Variants in NCKAP5 observed in about 807,000 individuals in gnomAD.
The protein encoded by NCKAP5 is NCK associated protein 5, also known as nck-associated protein 5.
In NCKAP5, 92 loss-of-function variants were observed where a neutral mutation model predicts 167.0. The ratio of observed to expected loss-of-function variants is 0.55; its 90% CI spans 0.47 to 0.66. The LOEUF is 0.66. Ranked by LOEUF, NCKAP5 falls within the 30% of genes least tolerant of loss-of-function variation. NCKAP5 has a pLI of 0.00. For missense variants in NCKAP5, 2,378 were observed against 2,315.0 expected (o/e 1.03, Z -0.56); for synonymous variants, 891 against 877.4 (o/e 1.02, Z -0.27).
At chr2:133,488,389 T>C (rs1206087668) in intron 3 of NCKAP5, among the ~76,000 whole-genome samples, 1 of 152,176 alleles carries the variant, frequency 6.6e-6, no homozygotes, top group Non-Finnish European at 1.5e-5. Flanking sequence ...TAGAGCTCTA[T>C]CAAGCATGGA....
At chr2:133,208,605 C>T (rs1836216) in intron 5 of NCKAP5, among the ~76,000 whole-genome samples, 96,224 of 151,972 alleles carry the variant, frequency 0.63, 31,212 homozygotes, top group African/African-American at 0.77. Flanking sequence ...AAATTTAATG[C>T]GTTTCTTGGA....
intron 3 of NCKAP5, among the ~76,000 whole-genome samples, chr2:133,478,124 G>C (rs1575030382): frequency 6.6e-6 from 1 of 152,130 alleles, no homozygotes; most frequent in Admixed American, 6.6e-5. Context: ...ACTCCCTCAT[G>C]AAGAACTAAA....
At chr2:133,226,651 C>A (rs1260530841) in intron 4 of NCKAP5, among the ~76,000 whole-genome samples, 1 of 94,396 alleles carries the variant, frequency 1.1e-5, no homozygotes, top group African/African-American at 3.6e-5. Context: ...AGGAAGAACA[C>A]CATGTGAAGA....
chr2:132,946,558 CA>C (rs1193193763), intron 8 of NCKAP5, among the ~76,000 whole-genome samples: 1 of 151,948 alleles, frequency 6.6e-6, no homozygotes, highest in Non-Finnish European at 1.5e-5. Flanking sequence ...GAAAACTTAA[CA>C]AAAAAAGTGA....
chr2:133,066,091 C>A (rs1464251843), intron 6 of NCKAP5, among the ~76,000 whole-genome samples: 1 of 152,038 alleles, frequency 6.6e-6, no homozygotes, highest in African/African-American at 2.4e-5. Flanking sequence ...CCCTCATATG[C>A]CTCATTAAGA....
chr2:132,990,261 G>A (rs1470834303), intron 7 of NCKAP5, among the ~76,000 whole-genome samples: 1 of 152,142 alleles, frequency 6.6e-6, no homozygotes, highest in Non-Finnish European at 1.5e-5. Context: ...ATGTGTGGAA[G>A]CTTATATTTT....
At chr2:133,641,711 C>T in the NCKAP5 span, among the ~76,000 whole-genome samples, 1 of 152,198 alleles carries the variant, frequency 6.6e-6, no homozygotes, top group Admixed American at 6.5e-5. Flanking sequence ...ACCAGTTCAA[C>T]TTAAGGGAAC....
At chr2:133,197,126 T>A (rs2085471541) in intron 5 of NCKAP5, among the ~76,000 whole-genome samples, 1 of 152,148 alleles carries the variant, frequency 6.6e-6, no homozygotes. Flanking sequence ...GAGGCTCCAA[T>A]GAGGCTAAAA....
At chr2:132,810,723 C>T (rs1238240944) in intron 11 of NCKAP5, among the ~76,000 whole-genome samples, 1 of 152,152 alleles carries the variant, frequency 6.6e-6, no homozygotes, top group East Asian at 1.9e-4. Context: ...CTTCTCTGAT[C>T]CCTCCCTGAT....
intron 16 of NCKAP5, among the ~76,000 whole-genome samples, chr2:132,761,107 T>A (rs72989541): frequency 2.6e-5 from 4 of 152,304 alleles, no homozygotes; most frequent in African/African-American, 9.6e-5. Flanking sequence ...AGGAATTTAT[T>A]CCCAAAATCT....
intron 3 of NCKAP5, among the ~76,000 whole-genome samples, chr2:133,485,876 T>G (rs547603421): frequency 1.3e-5 from 2 of 152,342 alleles, no homozygotes; most frequent in Admixed American, 1.3e-4. Context: ...AGTATGTCTT[T>G]GGGTCAGTTG....
At chr2:132,845,022 A>G (rs1688560867) in intron 11 of NCKAP5, among the ~76,000 whole-genome samples, 1 of 152,104 alleles carries the variant, frequency 6.6e-6, no homozygotes, top group African/African-American at 2.4e-5. Context: ...TTGGTGAAAA[A>G]AGGTTATCTT....
the NCKAP5 span, among the ~76,000 whole-genome samples, chr2:133,587,166 T>G: frequency 6.6e-6 from 1 of 152,102 alleles, no homozygotes; most frequent in African/African-American, 2.4e-5. Context: ...ATCACATTTT[T>G]CAGAACAAGT....
intron 3 of NCKAP5, among the ~76,000 whole-genome samples, chr2:133,401,269 C>CA (rs1457681539): frequency 1.4e-4 from 21 of 152,234 alleles, no homozygotes; most frequent in African/African-American, 4.6e-4. Flanking sequence ...CCCTGCTCCT[C>CA]ACATCTTGCC....
chr2:132,848,384 T>C (rs1028625796), intron 11 of NCKAP5, among the ~76,000 whole-genome samples: 1 of 152,206 alleles, frequency 6.6e-6, no homozygotes, highest in Admixed American at 6.5e-5. Flanking sequence ...ACATTAATGA[T>C]AACGGCTTTT....
At chr2:133,151,806 A>C (rs986879014) in intron 5 of NCKAP5, among the ~76,000 whole-genome samples, 8 of 152,234 alleles carry the variant, frequency 5.3e-5, no homozygotes, top group Non-Finnish European at 7.4e-5. Context: ...CATCCACACA[A>C]AAAAAATGCA....
At chr2:133,580,470 C>T in the NCKAP5 span, among the ~76,000 whole-genome samples, 4 of 152,074 alleles carry the variant, frequency 2.6e-5, no homozygotes, top group Non-Finnish European at 5.9e-5. Context: ...AAACTCTCTG[C>T]ACCGTGGGGT....
At chr2:133,481,557 AT>A (rs1680435688) in intron 3 of NCKAP5, among the ~76,000 whole-genome samples, 1 of 151,908 alleles carries the variant, frequency 6.6e-6, no homozygotes, top group East Asian at 1.9e-4. Context: ...CCCATTAGTT[AT>A]TTTTTCCTGA....
At chr2:133,274,424 A>T (rs1436603992) in intron 4 of NCKAP5, among the ~76,000 whole-genome samples, 1 of 152,046 alleles carries the variant, frequency 6.6e-6, no homozygotes, top group Non-Finnish European at 1.5e-5. Context: ...ATGGATTGGA[A>T]GACTCAATCT....
Sources: gnomAD v4.1 joint callset for allele counts (sites outside exome capture counted in the v4.1 genomes callset) on GRCh38, gnomAD v4.1.1 for gene constraint, MANE v1.5 for transcripts, NCBI Gene and HGNC (gene_info 2026-07-23, HGNC 2026-07-21) for gene names.